The following HUWE1 variants were observed in gnomAD, a reference collection of about 807,000 sequenced individuals.
HUWE1 encodes HECT, UBA and WWE domain containing E3 ubiquitin protein ligase 1.
HUWE1 carries 18 observed loss-of-function variants against 299.4 expected under a neutral mutation model. The ratio of observed to expected loss-of-function variants is 0.06; its 90% confidence interval spans 0.04 to 0.09. The LOEUF is 0.09. HUWE1 is among the 10% of genes least tolerant of loss of function. The pLI, the probability that HUWE1 is intolerant of heterozygous loss-of-function variation, is 1.00. For missense variants in HUWE1, 1,832 were observed against 3,462.3 expected (o/e 0.53, Z 11.82); for synonymous variants, 1,317 against 1,286.1 (o/e 1.02, Z -0.51).
At position 53,532,936 on chromosome X, in the gene HUWE1, AT is replaced by A. The variant is rs1439160734; in HGVS notation, c.*372del. Reference sequence around the variant, plus strand: ...GAACAAAAAAATATATATATATATAATTTTTTCCCCTATCCAAAGGTTTCAA... The same window carrying A: ...GAACAAAAAAATATATATATATATAATTTTTCCCCTATCCAAAGGTTTCAA... On this transcript the variant is annotated 3_prime_UTR_variant, in exon 84 of 84. Coordinates refer to ENST00000262854, the MANE Select transcript of HUWE1 (RefSeq NM_031407.7). 2 of 113,775 alleles carry A rather than the reference AT, an allele frequency of 1.8e-5. No homozygotes were observed. The highest frequency in any genetic ancestry group is 6.6e-5 in the African/African-American group (2 of 30,276). The allele number at this position is 113,775 out of a possible 1,213,427, so 9.4% of individuals were successfully genotyped here.
chrX:53,539,899 A>C, intron 74 of HUWE1, 87 bp from the exon 75 acceptor site: 1 of 923,778 alleles, frequency 1.1e-6, no homozygotes, highest in Non-Finnish European at 1.5e-6. Context: ...CAACTAATAT[A>C]CAGAACAAGT....
At chrX:53,653,971 T>C in intron 4 of HUWE1, 92 bp downstream of exon 4, 1 of 604,780 alleles carries the variant, frequency 1.7e-6, no homozygotes, top group Non-Finnish European at 2.7e-6. Context: ...ATATGGGTGA[T>C]GAGATTTGAA....
At chrX:53,565,383 G>GA (rs1307887995) in intron 49 of HUWE1, 144 bp from the exon 50 acceptor site, 616 of 516,275 alleles carry the variant, frequency 1.2e-3, no homozygotes, top group Middle Eastern at 2.3e-3. Context: ...CTTTTGTTTA[G>GA]AAAAAAAAAA....
intron 23 of HUWE1, among the ~76,000 whole-genome samples, chrX:53,613,349 T>C (rs782586090): frequency 5.4e-5 from 6 of 111,702 alleles, no homozygotes; most frequent in African/African-American, 1.6e-4. Flanking sequence ...TTTGCTCCTG[T>C]TGTCAACTCC....
intron 76 of HUWE1, 66 bp from the exon 77 acceptor site, chrX:53,538,520 C>A (rs1451105469): frequency 5.2e-6 from 4 of 768,825 alleles, no homozygotes; most frequent in Non-Finnish European, 8.0e-6. Flanking sequence ...AGACAGCCAA[C>A]CAGCTAGCAA....
chrX:53,652,500 TAGC>T (rs1195692429), intron 4 of HUWE1, among the ~76,000 whole-genome samples: 1 of 112,070 alleles, frequency 8.9e-6, no homozygotes, highest in African/African-American at 3.2e-5. Flanking sequence ...TCTATTCTCG[TAGC>T]AGTAGATTCT....
chrX:53,625,835 G>GGGGCCGGGGCCGGGGCCA (rs1176817623), intron 17 of HUWE1: 3 of 129,583 alleles, frequency 2.3e-5, no homozygotes, highest in Admixed American at 9.5e-5. Context: ...GACCAGGACC[G>GGGGCCGGGGCCGGGGCCA]GGGCCGGGGC....
Position 53,560,263 on chromosome X carries a change from G to A in HUWE1, c.7661C>T (p.Thr2554Met), listed in dbSNP as rs782448821. The A allele has an allele frequency of 1.7e-6, 2 of 1,210,379 alleles. No individual in the cohort carries two copies. The highest frequency in any genetic ancestry group is 1.7e-5 in the African/African-American group (1 of 57,644). ...ATGAATGGTGTGGCCAGTATTGGCC[G>A]TCAGCTGCCTTAGGGTCCTCTGACT... is the stretch of plus-strand genomic sequence containing the variant. ...GRSQRTLRQL[T>M]ANTGHTIHVH... Residue 2554 changes from threonine to methionine, a missense_variant, in exon 56 of 84, where the codon ACG becomes ATG. By Grantham distance (81) the Thr-to-Met change is moderately conservative. Coordinates refer to ENST00000262854, the MANE Select transcript of HUWE1 (RefSeq NM_031407.7).
At chrX:53,627,177 T>C (rs1312467654) in intron 17 of HUWE1, among the ~76,000 whole-genome samples, 2 of 111,654 alleles carry the variant, frequency 1.8e-5, no homozygotes, top group Non-Finnish European at 3.8e-5. Flanking sequence ...ACCACAGCTA[T>C]AGCATCTGCT....
At position 53,533,220 on chromosome X, in the gene HUWE1, G is replaced by T; in HGVS notation, c.*89C>A. On this transcript the variant is annotated 3_prime_UTR_variant, in exon 84 of 84. Transcript: ENST00000262854. ...TGGTGGATTTCATTTATTGGTTTTTGACAATTTCTTTCTGGTTCTTTTTTT... is the reference window on the plus strand; with the variant it reads ...TGGTGGATTTCATTTATTGGTTTTTTACAATTTCTTTCTGGTTCTTTTTTT... 1 of 592,475 alleles carries T rather than the reference G, an allele frequency of 1.7e-6. No individual in the cohort carries two copies. The highest frequency in any genetic ancestry group is 2.2e-5 in the African/African-American group (1 of 44,593). 48.8% of individuals were successfully genotyped at this position (592,475 alleles called of 1,213,427 possible). A position where few individuals can be genotyped will look rare whatever the true frequency, so the allele number is the denominator to read the frequency against.
At chrX:53,609,895 T>A (rs1489292053) in intron 23 of HUWE1, among the ~76,000 whole-genome samples, 1 of 111,210 alleles carries the variant, frequency 9.0e-6, no homozygotes, top group Non-Finnish European at 1.9e-5. Flanking sequence ...ACAAGAACAT[T>A]TGGCAGCAGA....
chrX:53,604,781 G>A lies in HUWE1; in HGVS notation c.2550C>T (p.Ser850=). Reference sequence around the variant, plus strand: ...GTAAGGGCTCCAGGGAGGAGAGGATGGAGTCCAACTGAAGGAGACCCTCTT... The same window carrying A: ...GTAAGGGCTCCAGGGAGGAGAGGATAGAGTCCAACTGAAGGAGACCCTCTT... The part of the protein sequence containing the change: ...VLQEGLLQLD[S]ILSSLEPLHR... Residue 850 remains serine, a synonymous_variant, in exon 26 of 84, where the codon TCC becomes TCT. Coordinates refer to ENST00000262854, the MANE Select transcript of HUWE1 (RefSeq NM_031407.7). 8.3e-7 allele frequency: 1 copy of A among 1,209,220 alleles called. No individual in the cohort carries two copies. The highest frequency in any genetic ancestry group is 1.1e-6 in the Non-Finnish European group (1 of 892,971).
chrX:53,623,148 C>G (rs1557013787), intron 19 of HUWE1, among the ~76,000 whole-genome samples: 3 of 111,306 alleles, frequency 2.7e-5, no homozygotes. Flanking sequence ...CTGCTCCTCA[C>G]CACTATCCCA....
chrX:53,599,804 T>C (rs1378410561), intron 29 of HUWE1, among the ~76,000 whole-genome samples: 1 of 112,121 alleles, frequency 8.9e-6, no homozygotes, highest in African/African-American at 3.2e-5. Flanking sequence ...ACGTTGTAGA[T>C]GCCTTGCTGA....
chrX:53,584,557 A>C (rs782120715), intron 40 of HUWE1, among the ~76,000 whole-genome samples: 11 of 111,542 alleles, frequency 9.9e-5, no homozygotes, highest in Non-Finnish European at 1.7e-4. Context: ...ACCTTCCAAC[A>C]GAGCAAATAC....
chrX:53,535,157 A>T (rs1417760634), intron 81 of HUWE1, among the ~76,000 whole-genome samples: 2 of 108,162 alleles, frequency 1.8e-5, no homozygotes, highest in African/African-American at 6.8e-5. Flanking sequence ...CTGGTCTCAA[A>T]CTCCTCACCT....
Position 53,648,545 on chromosome X carries a change from A to C in HUWE1, c.46-235T>G, listed in dbSNP as rs3788948. Among the ~76,000 whole-genome samples, 44,075 of 89,096 alleles carry C rather than the reference A, an allele frequency of 0.49. 8,098 individuals are homozygous for C. Among genetic ancestry groups the C allele is most frequent in the Middle Eastern group, 0.57 (115 of 202 alleles). 77.4% of individuals were successfully genotyped at this position (89,096 alleles called of 115,157 possible). A position where few individuals can be genotyped will look rare whatever the true frequency, so the allele number is the denominator to read the frequency against. On this transcript the variant is annotated intron_variant, in intron 4 of 83. Coordinates refer to ENST00000262854, the MANE Select transcript of HUWE1 (RefSeq NM_031407.7). ...GCTTAAAAAACAAAAAAAAACAAAA[A>C]AAAACAAAAAACAAAACAAAAACCC... is the stretch of plus-strand genomic sequence containing the variant.
rs1340116819 is a variant in HUWE1, at chrX:53,568,581, T to C, written c.6707+111A>G. ...TGCTAAAAGCCACAATAAGAAAGAC[T>C]TGGGTCTCCCACTTGTACCCAAAGT... On this transcript the variant is annotated intron_variant, in intron 49 of 83. Transcript: ENST00000262854. 7.8e-6 allele frequency: 5 copies of C among 642,421 alleles called. No individual in the cohort carries two copies. In the Admixed American group the frequency reaches 9.7e-5, roughly 12 times the overall value. 52.9% of individuals were successfully genotyped at this position (642,421 alleles called of 1,213,427 possible).
chrX:53,562,844 C>T lies in HUWE1; in HGVS notation c.7191G>A (p.Gln2397=). 1.7e-6 allele frequency: 2 copies of T among 1,210,632 alleles called. No homozygotes were observed. The highest frequency in any genetic ancestry group is 2.2e-6 in the Non-Finnish European group (2 of 894,855). ...PSNLSQASTL[Q]ANREDSMNIL... ...CGGCACTCTCACCTTCTCGGTTGGC[C>T]TGCAAGGTGGAAGCTTGGCTGAGGT... The change falls in exon 53 of 84, where the codon CAG becomes CAA. Residue 2397 remains glutamine (Q), a synonymous_variant. Coordinates refer to ENST00000262854, the MANE Select transcript of HUWE1 (RefSeq NM_031407.7).
Sources: gnomAD v4.1 joint callset for allele counts (sites outside exome capture counted in the v4.1 genomes callset) on GRCh38, gnomAD v4.1.1 for gene constraint, MANE v1.5 for transcripts, NCBI Gene and HGNC (gene_info 2026-07-23, HGNC 2026-07-21) for gene names.